Variants in CSMD1 observed in about 807,000 individuals in gnomAD.
CSMD1 encodes the protein CUB and sushi domain-containing protein 1.
A neutral mutation model predicts 417.5 loss-of-function variants in CSMD1; 213 were observed. The ratio of observed to expected loss-of-function variants is 0.51; its 90% confidence interval spans 0.46 to 0.57. CSMD1 has a LOEUF of 0.57. Ranked by LOEUF, CSMD1 falls within the 20% of genes least tolerant of loss-of-function variation. The pLI, the probability that CSMD1 is intolerant of heterozygous loss-of-function variation, is 0.00. For missense variants in CSMD1, 6,923 were observed against 4,529.7 expected (o/e 1.53, Z -15.17); for synonymous variants, 2,862 against 1,736.8 (o/e 1.65, Z -16.11).
chr8:4,102,765 C>G (rs147131936), intron 3 of CSMD1, among the ~76,000 whole-genome samples: 6 of 152,198 alleles, frequency 3.9e-5, no homozygotes, highest in Non-Finnish European at 5.9e-5. Context: ...TTTAATTAGT[C>G]CAGGACAACA....
At chr8:3,653,984 T>G (rs17066823) in intron 7 of CSMD1, among the ~76,000 whole-genome samples, 9,007 of 152,246 alleles carry the variant, frequency 0.059, 541 homozygotes, top group East Asian at 0.17. Context: ...GAAAATGTGA[T>G]TTGAACTTGG....
intron 3 of CSMD1, among the ~76,000 whole-genome samples, chr8:4,053,853 T>C (rs1798559394): frequency 6.6e-6 from 1 of 152,208 alleles, no homozygotes; most frequent in Non-Finnish European, 1.5e-5. Context: ...TAGGTTGGTT[T>C]ATATATTGAC....
intron 3 of CSMD1, among the ~76,000 whole-genome samples, chr8:4,233,055 A>G (rs1801838732): frequency 6.6e-6 from 1 of 152,216 alleles, no homozygotes; most frequent in African/African-American, 2.4e-5. Context: ...ATGTTGCTCT[A>G]GGTTTATTAA....
chr8:4,043,003 G>T (rs1461475356), intron 3 of CSMD1, among the ~76,000 whole-genome samples: 3 of 151,742 alleles, frequency 2.0e-5, no homozygotes, highest in Non-Finnish European at 4.4e-5. Context: ...GTGGTGACTT[G>T]CACCTGTAGT....
At chr8:3,131,485 T>G (rs1817789707) in intron 41 of CSMD1, among the ~76,000 whole-genome samples, 1 of 150,964 alleles carries the variant, frequency 6.6e-6, no homozygotes, top group Non-Finnish European at 1.5e-5. Context: ...TTTTTTTTTT[T>G]TTTTGACATG....
At chr8:3,360,837 C>T (rs901512900) in intron 20 of CSMD1, among the ~76,000 whole-genome samples, 1 of 151,244 alleles carries the variant, frequency 6.6e-6, no homozygotes, top group African/African-American at 2.4e-5. Context: ...CCTTAGTATT[C>T]CTCAAATCTG....
At chr8:3,885,967 A>G (rs763524166) in intron 5 of CSMD1, among the ~76,000 whole-genome samples, 3 of 152,134 alleles carry the variant, frequency 2.0e-5, no homozygotes, top group Non-Finnish European at 4.4e-5. Flanking sequence ...AATCACAACA[A>G]AGCAATATTG....
At chr8:4,352,470 T>C (rs767807761) in intron 3 of CSMD1, among the ~76,000 whole-genome samples, 19 of 152,218 alleles carry the variant, frequency 1.2e-4, no homozygotes, top group Non-Finnish European at 2.8e-4. Flanking sequence ...AGTGGAAATA[T>C]TCTCCAGAAC....
At chr8:3,669,023 A>T (rs1798847974) in intron 7 of CSMD1, among the ~76,000 whole-genome samples, 1 of 152,158 alleles carries the variant, frequency 6.6e-6, no homozygotes, top group Admixed American at 6.5e-5. Context: ...AACAGACGTT[A>T]TACCTTTAGA....
intron 69 of CSMD1, among the ~76,000 whole-genome samples, chr8:2,939,006 C>T (rs1801681033): frequency 6.6e-6 from 1 of 152,044 alleles, no homozygotes; most frequent in African/African-American, 2.4e-5. Context: ...ACTCTGTTAC[C>T]CAGGCTGGAG....
intron 5 of CSMD1, among the ~76,000 whole-genome samples, chr8:3,949,110 G>T (rs938597051): frequency 2.0e-5 from 3 of 152,022 alleles, no homozygotes; most frequent in African/African-American, 7.3e-5. Flanking sequence ...TATGATGTGC[G>T]ATATAATATT....
chr8:3,117,201 G>A (rs1301553951), intron 42 of CSMD1, among the ~76,000 whole-genome samples: 2 of 152,152 alleles, frequency 1.3e-5, no homozygotes, highest in East Asian at 1.9e-4. Flanking sequence ...CTCTGGAGTA[G>A]CTGGGACTAC....
chr8:3,246,153 G>A (rs1327195337), intron 26 of CSMD1, among the ~76,000 whole-genome samples: 1 of 152,064 alleles, frequency 6.6e-6, no homozygotes, highest in Non-Finnish European at 1.5e-5. Flanking sequence ...ACCCTTGAGT[G>A]GATTCCCATC....
chr8:4,810,816 G>T (rs1400540951), intron 1 of CSMD1, among the ~76,000 whole-genome samples: 1 of 152,044 alleles, frequency 6.6e-6, no homozygotes. Flanking sequence ...TATAAAGAAC[G>T]AAGACGAGAA....
At chr8:3,803,209 G>C (rs1278763120) in intron 5 of CSMD1, among the ~76,000 whole-genome samples, 3 of 151,474 alleles carry the variant, frequency 2.0e-5, no homozygotes, top group Non-Finnish European at 4.4e-5. Context: ...TAATTTTTGA[G>C]TGATGACTTG....
intron 54 of CSMD1, among the ~76,000 whole-genome samples, chr8:2,984,254 T>C (rs1805663836): frequency 6.6e-6 from 1 of 152,064 alleles, no homozygotes; most frequent in African/African-American, 2.4e-5. Context: ...TCAACAGCAG[T>C]GACTGGGAGC....
chr8:3,529,702 A>G (rs1386941500), intron 10 of CSMD1, among the ~76,000 whole-genome samples: 1 of 152,188 alleles, frequency 6.6e-6, no homozygotes, highest in Non-Finnish European at 1.5e-5. Context: ...ATGTACAAAT[A>G]CATCTTGGGA....
intron 1 of CSMD1, among the ~76,000 whole-genome samples, chr8:4,966,244 T>C (rs930419582): frequency 6.9e-6 from 1 of 145,520 alleles, no homozygotes; most frequent in Non-Finnish European, 1.5e-5. Flanking sequence ...CTGGGTATGG[T>C]GGCACATGCC....
chr8:3,300,357 A>AC (rs1804295452), intron 25 of CSMD1, among the ~76,000 whole-genome samples: 1 of 146,678 alleles, frequency 6.8e-6, no homozygotes, highest in African/African-American at 2.5e-5. Flanking sequence ...AACTACATTT[A>AC]GGGGTTTTTT....
Sources: allele counts gnomAD v4.1 joint callset (sites outside exome capture counted in the v4.1 genomes callset), GRCh38; gene constraint gnomAD v4.1.1; transcripts MANE v1.5; gene names NCBI Gene and HGNC (gene_info 2026-07-23, HGNC 2026-07-21).